The following NME7 variants were observed in gnomAD, a reference collection of about 807,000 sequenced individuals.
The protein encoded by NME7 is nucleoside diphosphate kinase 7.
NME7 carries 41 observed loss-of-function variants against 49.1 expected under a neutral mutation model. That is an observed-to-expected ratio of 0.83 (90% CI 0.65 to 1.08). The LOEUF is 1.08. NME7 is among the 50% of genes least tolerant of loss of function. The pLI, the probability that NME7 is intolerant of heterozygous loss-of-function variation, is 0.00. For synonymous variants in NME7, 139 were observed against 150.6 expected (o/e 0.92, Z 0.56); for missense variants, 423 against 463.4 (o/e 0.91, Z 0.80).
At chr1:169,225,758 T>A (rs1286077847) in intron 10 of NME7, among the ~76,000 whole-genome samples, 1 of 152,070 alleles carries the variant, frequency 6.6e-6, no homozygotes. Context: ...CCGAAAAAAA[T>A]TTTGTTAATA....
At chr1:169,356,077 G>A (rs1653459776) in intron 1 of NME7, among the ~76,000 whole-genome samples, 1 of 152,064 alleles carries the variant, frequency 6.6e-6, no homozygotes, top group South Asian at 2.1e-4. Context: ...GAAATTCAGT[G>A]GAAAGTTACC....
intron 10 of NME7, among the ~76,000 whole-genome samples, chr1:169,227,866 C>G (rs1647408727): frequency 6.6e-6 from 1 of 152,102 alleles, no homozygotes; most frequent in Non-Finnish European, 1.5e-5. Flanking sequence ...TTCTGGGTTC[C>G]TAGAGTACCC....
intron 7 of NME7, among the ~76,000 whole-genome samples, chr1:169,241,923 T>C (rs1648106614): frequency 6.6e-6 from 1 of 151,632 alleles, no homozygotes; most frequent in South Asian, 2.1e-4. Context: ...AATATAAATA[T>C]AAAAATACTT....
intron 6 of NME7, among the ~76,000 whole-genome samples, chr1:169,295,979 G>A (rs1650691807): frequency 6.6e-6 from 1 of 151,854 alleles, no homozygotes; most frequent in Non-Finnish European, 1.5e-5. Flanking sequence ...TCTCCACCTG[G>A]GTTCTAATTT....
chr1:169,232,937 T>G (rs1213800901), intron 9 of NME7, among the ~76,000 whole-genome samples: 1 of 108,862 alleles, frequency 9.2e-6, no homozygotes, highest in Non-Finnish European at 2.0e-5. Context: ...TTTTTTTTTT[T>G]GAGACAGAGT....
At chr1:169,310,674 C>A (rs1651347932) in intron 3 of NME7, 1 of 152,176 alleles carries the variant, frequency 6.6e-6, no homozygotes, top group Admixed American at 6.5e-5. Flanking sequence ...ATGCATTCTC[C>A]ACTCTCCCCC....
At chr1:169,176,593 A>G (rs16861993) in intron 10 of NME7, among the ~76,000 whole-genome samples, 4,147 of 152,224 alleles carry the variant, frequency 0.027, 173 homozygotes, top group African/African-American at 0.093. Flanking sequence ...TTAGGTTTCA[A>G]TAGACCACAT....
chr1:169,186,466 T>C (rs1396357218), intron 10 of NME7, among the ~76,000 whole-genome samples: 1 of 152,222 alleles, frequency 6.6e-6, no homozygotes, highest in Non-Finnish European at 1.5e-5. Flanking sequence ...TATTCAGGGA[T>C]TCAACTTCTT....
intron 7 of NME7, among the ~76,000 whole-genome samples, chr1:169,257,273 A>T (rs1648986926): frequency 7.4e-6 from 1 of 134,248 alleles, no homozygotes; most frequent in Non-Finnish European, 1.8e-5. Context: ...GTGGTGCGCC[A>T]TTTTTTAAGC....
At chr1:169,139,258 G>C (rs761834985) in intron 11 of NME7, among the ~76,000 whole-genome samples, 12 of 152,104 alleles carry the variant, frequency 7.9e-5, no homozygotes, top group African/African-American at 1.9e-4. Context: ...TGAAGTTCTT[G>C]CTACATACCA....
intron 6 of NME7, among the ~76,000 whole-genome samples, chr1:169,291,526 T>C (rs868585279): frequency 5.9e-5 from 9 of 151,970 alleles, no homozygotes; most frequent in Non-Finnish European, 1.0e-4. Context: ...AGGGGAAGGA[T>C]AGCATTGGGA....
chr1:169,276,684 C>T (rs1356764248), intron 7 of NME7, among the ~76,000 whole-genome samples: 2 of 132,966 alleles, frequency 1.5e-5, no homozygotes, highest in African/African-American at 5.1e-5. Context: ...GTCTCTATTT[C>T]CTTCAGTTCT....
chr1:169,204,721 A>T (rs891540667), intron 10 of NME7, among the ~76,000 whole-genome samples: 2 of 152,018 alleles, frequency 1.3e-5, no homozygotes, highest in Non-Finnish European at 2.9e-5. Context: ...TTATTTTGCC[A>T]TTGTCTGTAA....
At chr1:169,311,459 T>G (rs1394247925) in intron 3 of NME7, among the ~76,000 whole-genome samples, 1 of 150,974 alleles carries the variant, frequency 6.6e-6, no homozygotes, top group Non-Finnish European at 1.5e-5. Flanking sequence ...CTTACTTAAA[T>G]TGGATATAGC....
chr1:169,291,005 A>G (rs1650479293), intron 6 of NME7, among the ~76,000 whole-genome samples: 1 of 152,192 alleles, frequency 6.6e-6, no homozygotes, highest in Admixed American at 6.5e-5. Flanking sequence ...AAAAATCAGG[A>G]AACAACAGAT....
chr1:169,314,394 CAAGTT>C (rs1389474347), intron 3 of NME7, among the ~76,000 whole-genome samples: 3 of 151,728 alleles, frequency 2.0e-5, no homozygotes, highest in Non-Finnish European at 4.4e-5. Context: ...TAAGCTTTAT[CAAGTT>C]AAGTACATAT....
intron 9 of NME7, among the ~76,000 whole-genome samples, chr1:169,233,534 A>G (rs928402570): frequency 4.6e-5 from 7 of 152,228 alleles, no homozygotes; most frequent in Non-Finnish European, 8.8e-5. Flanking sequence ...ACAACATCAA[A>G]GTAAAATAAT....
intron 1 of NME7, among the ~76,000 whole-genome samples, chr1:169,333,843 T>C (rs866268048): frequency 2.6e-5 from 4 of 152,266 alleles, no homozygotes; most frequent in Middle Eastern, 3.4e-3. Context: ...ATAGCAACTA[T>C]ATTCTTTCAA....
intron 4 of NME7, among the ~76,000 whole-genome samples, chr1:169,308,798 T>C (rs559434595): frequency 1.3e-5 from 2 of 152,316 alleles, no homozygotes; most frequent in South Asian, 2.1e-4. Context: ...GTATAAGTCT[T>C]ATTTTCACTA....
Sources: allele counts gnomAD v4.1 joint callset (sites outside exome capture counted in the v4.1 genomes callset), GRCh38; gene constraint gnomAD v4.1.1; transcripts MANE v1.5; gene names NCBI Gene and HGNC (gene_info 2026-07-23, HGNC 2026-07-21).